The following DOCK1 variants were observed in gnomAD, a reference collection of about 807,000 sequenced individuals.
The protein encoded by DOCK1 is dedicator of cytokinesis 1, also known as dedicator of cytokinesis protein 1.
A neutral mutation model predicts 262.7 loss-of-function variants in DOCK1; 138 were observed. That is an observed-to-expected ratio of 0.53 (90% confidence interval 0.46 to 0.61). DOCK1 has a LOEUF of 0.61. Among genes scored for constraint, DOCK1 ranks in the 20% least tolerant of loss-of-function variants. DOCK1 has a pLI of 0.00. For missense variants in DOCK1, 1,908 were observed against 2,370.7 expected (o/e 0.80, Z 4.05); for synonymous variants, 866 against 867.4 (o/e 1.00, Z 0.03).
chr10:127,291,566 C>T (rs1267452573), intron 29 of DOCK1, among the ~76,000 whole-genome samples: 3 of 152,218 alleles, frequency 2.0e-5, no homozygotes, highest in Middle Eastern at 3.4e-3. Context: ...TAGACAGTAG[C>T]GCCCTGTCGG....
chr10:127,107,337 A>G (rs2048592535), intron 24 of DOCK1, among the ~76,000 whole-genome samples: 2 of 152,148 alleles, frequency 1.3e-5, no homozygotes, highest in African/African-American at 2.4e-5. Flanking sequence ...CTTTATGTCT[A>G]CCATAGGTCA....
intron 1 of DOCK1, among the ~76,000 whole-genome samples, chr10:126,924,663 A>C (rs975971898): frequency 6.6e-6 from 1 of 152,214 alleles, no homozygotes; most frequent in Non-Finnish European, 1.5e-5. Flanking sequence ...AGAACAGAAA[A>C]TGAAATCTCA....
intron 1 of DOCK1, among the ~76,000 whole-genome samples, chr10:126,942,651 C>G (rs1250291472): frequency 1.3e-5 from 2 of 152,134 alleles, no homozygotes; most frequent in African/African-American, 2.4e-5. Flanking sequence ...ACCCTGGGAT[C>G]TGCGATGCAG....
At chr10:127,138,029 G>T (rs1265083085) in intron 27 of DOCK1, 3 of 1,597,486 alleles carry the variant, frequency 1.9e-6, no homozygotes, top group Non-Finnish European at 2.6e-6. Flanking sequence ...CACTAGAAAA[G>T]AGAGAGAGTG....
chr10:127,293,205 C>T (rs572352977), intron 29 of DOCK1, among the ~76,000 whole-genome samples: 1 of 152,328 alleles, frequency 6.6e-6, no homozygotes, highest in African/African-American at 2.4e-5. Flanking sequence ...GTGCATGCTC[C>T]TGTAGCCTTG....
intron 27 of DOCK1, among the ~76,000 whole-genome samples, chr10:127,138,485 C>T (rs941546616): frequency 1.3e-5 from 2 of 152,136 alleles, no homozygotes; most frequent in African/African-American, 4.8e-5. Flanking sequence ...TGATCTCCCA[C>T]CTAAAACAAT....
chr10:126,926,375 G>A (rs984266425), intron 1 of DOCK1, among the ~76,000 whole-genome samples: 2 of 151,464 alleles, frequency 1.3e-5, no homozygotes, highest in Non-Finnish European at 2.9e-5. Flanking sequence ...AGATTTCCAG[G>A]AAAAGTAGAC....
intron 29 of DOCK1, among the ~76,000 whole-genome samples, chr10:127,276,603 T>C (rs757913126): frequency 2.6e-5 from 4 of 152,200 alleles, no homozygotes; most frequent in Non-Finnish European, 5.9e-5. Flanking sequence ...TTTCAGGCTC[T>C]AGCTGTGGGA....
chr10:126,912,683 G>A (rs1200380932), intron 1 of DOCK1, among the ~76,000 whole-genome samples: 2 of 149,502 alleles, frequency 1.3e-5, no homozygotes, highest in South Asian at 2.1e-4. Context: ...CCGAGATCGC[G>A]CCACCGTACT....
chr10:127,449,870 G>A lies in DOCK1; in HGVS notation c.5566-1462G>A, dbSNP rs146309058. The stretch of plus-strand genomic sequence containing the variant: ...ATGGCTCTTCCTGTCAGTAATCTGA[G>A]CTTACTGAGTTTATCACCATTAATC... On this transcript the variant is annotated intron_variant, in intron 51 of 51. Coordinates refer to ENST00000623213, the MANE Select transcript of DOCK1 (RefSeq NM_001290223.2). Among the ~76,000 whole-genome samples the A allele has an allele frequency of 2.9e-3, 446 of 152,170 alleles. 2 individuals are homozygous for A. Among genetic ancestry groups the A allele is most frequent in the Non-Finnish European group, 5.0e-3 (337 of 67,990 alleles).
chr10:127,345,955 G>A (rs374138924), intron 31 of DOCK1, among the ~76,000 whole-genome samples: 11 of 152,162 alleles, frequency 7.2e-5, no homozygotes, highest in African/African-American at 2.2e-4. Context: ...GCGGCACAAC[G>A]CACTTCAACG....
chr10:127,130,685 G>A (rs73378485), intron 27 of DOCK1, among the ~76,000 whole-genome samples: 1,694 of 152,278 alleles, frequency 0.011, 29 homozygotes, highest in African/African-American at 0.039. Flanking sequence ...ATGCATTTAC[G>A]TGCTATGCAC....
chr10:126,912,274 C>G (rs2031884102), intron 1 of DOCK1, among the ~76,000 whole-genome samples: 1 of 151,910 alleles, frequency 6.6e-6, no homozygotes, highest in African/African-American at 2.4e-5. Flanking sequence ...AGTAAAAATA[C>G]AAAAAATTAA....
At chr10:127,145,197 G>A (rs1188154890) in intron 27 of DOCK1, among the ~76,000 whole-genome samples, 1 of 152,116 alleles carries the variant, frequency 6.6e-6, no homozygotes, top group African/African-American at 2.4e-5. Context: ...CAGGTCAGAT[G>A]CACAGGGGTC....
At chr10:127,286,390 A>G (rs959653453) in intron 29 of DOCK1, among the ~76,000 whole-genome samples, 3 of 152,176 alleles carry the variant, frequency 2.0e-5, no homozygotes, top group Non-Finnish European at 2.9e-5. Context: ...AAGGTAACAT[A>G]TCTTTTTCTC....
chr10:127,175,068 T>C lies in DOCK1; in HGVS notation c.2847+47304T>C. 1.4e-6 allele frequency: 1 copy of C among 703,926 alleles called. No homozygotes were observed. The highest frequency in any genetic ancestry group is 2.5e-6 in the Non-Finnish European group (1 of 405,306). The allele number at this position is 703,926 out of a possible 1,614,324, so 43.6% of individuals were successfully genotyped here. A position where few individuals can be genotyped will look rare whatever the true frequency, so the allele number is the denominator to read the frequency against. On this transcript the variant is annotated intron_variant, in intron 27 of 51. Transcript: ENST00000623213. This position sits in a 1 kb window ranked among gnomAD's most constrained non-coding sequence, Gnocchi z 6.3. ...GTATCATAAAATAATCTGCGACCCC[T>C]TGGAGCTCGCCACGCCCTTAGACTA...
intron 38 of DOCK1, among the ~76,000 whole-genome samples, chr10:127,392,600 C>G (rs905867507): frequency 1.3e-5 from 2 of 152,136 alleles, no homozygotes; most frequent in African/African-American, 4.8e-5. Flanking sequence ...AGCACTTGAG[C>G]AAACAGCACA....
intron 29 of DOCK1, among the ~76,000 whole-genome samples, chr10:127,309,169 G>C (rs900824978): frequency 2.6e-5 from 4 of 151,310 alleles, no homozygotes; most frequent in African/African-American, 9.7e-5. Context: ...GTTTTGATTT[G>C]CATTTCTCTA....
intron 29 of DOCK1, among the ~76,000 whole-genome samples, chr10:127,316,119 G>A (rs1242377556): frequency 1.3e-5 from 2 of 152,090 alleles, no homozygotes; most frequent in Non-Finnish European, 2.9e-5. Flanking sequence ...GTAAATTCAC[G>A]TATCCATCAT....
Sources: gnomAD v4.1 joint callset for allele counts (sites outside exome capture counted in the v4.1 genomes callset) on GRCh38, gnomAD v4.1.1 for gene constraint, Gnocchi (gnomAD v3.1) non-coding constraint, MANE v1.5 for transcripts, NCBI Gene and HGNC (gene_info 2026-07-23, HGNC 2026-07-21) for gene names.